Variants in MDM2 observed in about 807,000 individuals in gnomAD.
MDM2 encodes the protein E3 ubiquitin-protein ligase Mdm2.
MDM2 carries 11 observed loss-of-function variants against 64.3 expected under a neutral mutation model. The observed-to-expected ratio is 0.17, with a 90% CI of 0.11 to 0.28. MDM2 has a LOEUF of 0.28. Among genes scored for constraint, MDM2 ranks in the 10% least tolerant of loss-of-function variants. MDM2 has a pLI of 1.00. For synonymous variants in MDM2, 194 were observed against 192.9 expected (o/e 1.01, Z -0.05); for missense variants, 388 against 577.1 (o/e 0.67, Z 3.36).
intron 1 of MDM2, among the ~76,000 whole-genome samples, chr12:68,808,797 G>C (rs1319073183): frequency 6.6e-6 from 1 of 152,162 alleles, no homozygotes; most frequent in African/African-American, 2.4e-5. Context: ...CTGCGGGGCC[G>C]CTTCGGCGCG....
intron 3 of MDM2, among the ~76,000 whole-genome samples, chr12:68,815,074 T>G (rs1323629525): frequency 6.6e-6 from 1 of 152,212 alleles, no homozygotes; most frequent in Non-Finnish European, 1.5e-5. Flanking sequence ...GAATATTCCT[T>G]TAAGGCCGAT....
At chr12:68,815,826 G>C (rs1435483394) in intron 3 of MDM2, 1 of 168,338 alleles carries the variant, frequency 5.9e-6, no homozygotes, top group Non-Finnish European at 1.3e-5. Flanking sequence ...ATTGTAAACT[G>C]TAAAATGCCA....
intron 3 of MDM2, 130 bp from the exon 4 acceptor site, chr12:68,816,682 G>A (rs1214988466): frequency 1.2e-6 from 1 of 801,408 alleles, no homozygotes; most frequent in Non-Finnish European, 1.8e-6. Flanking sequence ...GTACAAAATG[G>A]TTGTTCTACA....
At position 68,836,669 on chromosome 12, in the gene MDM2, T is replaced by A; in HGVS notation, c.841-3T>A. ...ATTGATGCTAATGAATGTGTTTTAT[T>A]AGGTATATCAAGTTACTGTGTATCA... On this transcript the variant is annotated splice_polypyrimidine_tract_variant and splice_region_variant and intron_variant, in intron 9 of 10. Transcript: ENST00000258149. The A allele has an allele frequency of 6.2e-7, 1 of 1,601,058 alleles. No individual in the cohort carries two copies. Among genetic ancestry groups the A allele is most frequent in the African/African-American group, 1.3e-5 (1 of 74,746 alleles).
At chr12:68,815,616 AT>A (rs1228320900) in intron 3 of MDM2, 7 of 410,228 alleles carry the variant, frequency 1.7e-5, no homozygotes, top group Non-Finnish European at 2.9e-5. Context: ...TAATTTTTGT[AT>A]TTTTTTGTAG....
rs185459065 is a variant in MDM2, at chr12:68,812,139, T to C, written c.100-1415T>C. 5.9e-3 allele frequency among the ~76,000 whole-genome samples: 901 copies of C among 152,180 alleles called. 7 individuals are homozygous for C. Among genetic ancestry groups the C allele is most frequent in the Middle Eastern group, 0.037 (11 of 294 alleles). ...CAGGAGAAAAAAGGTTATTTTTAAA[T>C]CTTTTTTGAGAGAGTCCATTCTTTA... On this transcript the variant is annotated intron_variant, in intron 2 of 10. Transcript: ENST00000258149.
intron 5 of MDM2, among the ~76,000 whole-genome samples, chr12:68,822,656 C>G (rs566655723): frequency 2.6e-5 from 4 of 151,894 alleles, no homozygotes; most frequent in Non-Finnish European, 5.9e-5. Context: ...GAGATGGAAA[C>G]TTACAAATTA....
chr12:68,828,230 C>T (rs2440720), intron 7 of MDM2: 2,772 of 152,202 alleles, frequency 0.018, 36 homozygotes, highest in African/African-American at 0.028. Context: ...CAGATGAGCT[C>T]TTATATTTTA....
At chr12:68,826,988 A>G (rs1446370753) in intron 7 of MDM2, among the ~76,000 whole-genome samples, 1 of 152,134 alleles carries the variant, frequency 6.6e-6, no homozygotes, top group Non-Finnish European at 1.5e-5. Flanking sequence ...CATCCTGGCT[A>G]ACACGGTGAA....
intron 2 of MDM2, 109 bp from the exon 3 acceptor site, chr12:68,813,445 A>C: frequency 2.9e-6 from 2 of 687,056 alleles, no homozygotes; most frequent in Non-Finnish European, 2.6e-6. Flanking sequence ...GATCCTCCCC[A>C]GCATTTTTTC....
At chr12:68,837,414 C>T (rs899472833) in intron 10 of MDM2, among the ~76,000 whole-genome samples, 1 of 151,426 alleles carries the variant, frequency 6.6e-6, no homozygotes, top group South Asian at 2.1e-4. Context: ...GGCTGGAGTG[C>T]AGTGATGTGA....
At position 68,839,126 on chromosome 12, in the gene MDM2, T is replaced by C. The variant is rs3730654; in HGVS notation, c.919-148T>C. ...AACTAACTATAGTCCTCATGCTGTT[T>C]ACAGTGACTATTTTATATAAAACAT... On this transcript the variant is annotated intron_variant, in intron 10 of 10. Transcript: ENST00000258149. 19,649 of 682,438 alleles carry C rather than the reference T, an allele frequency of 0.029. 2,896 individuals are homozygous for C. The African/African-American group carries it at 0.32, about 11-fold the overall frequency. The allele number at this position is 682,438 out of a possible 1,614,324, so 42.3% of individuals were successfully genotyped here. A position where few individuals can be genotyped will look rare whatever the true frequency, so the allele number is the denominator to read the frequency against.
At chr12:68,816,362 C>CT (rs62874563) in intron 3 of MDM2, among the ~76,000 whole-genome samples, 1,744 of 61,106 alleles carry the variant, frequency 0.029, 366 homozygotes, top group Non-Finnish European at 0.035. Flanking sequence ...TTAAAAGTAG[C>CT]TTTTTTTTTT....
rs547696481 is a variant in MDM2, at chr12:68,836,744, T to G, written c.913T>G (p.Leu305Val). ...ATTTGAAGAAGATCCTGAAATTTCC[T>G]TAGCTGTAAGTATACATCTACTTTT... ...DSFEEDPEIS[L>V]ADYWKCTSCN... The change falls in exon 10 of 11, where the codon TTA (leucine) becomes GTA (valine). Residue 305 changes from leucine (L) to valine (V), a missense_variant. Leu to Val is a conservative substitution (Grantham distance 32). This residue lies in a region of MDM2 where 168 missense variants were observed against 236.6 expected (regional missense o/e 0.71). Transcript: ENST00000258149. 1 of 1,607,106 alleles carries G rather than the reference T, an allele frequency of 6.2e-7. No individual in the cohort carries two copies. The highest frequency in any genetic ancestry group is 2.2e-5 in the East Asian group (1 of 44,700).
intron 9 of MDM2, 125 bp downstream of exon 9, chr12:68,836,109 A>G: frequency 1.2e-6 from 1 of 816,086 alleles, no homozygotes; most frequent in Non-Finnish European, 1.8e-6. Context: ...TGATTTGTTT[A>G]AACTAACACA....
chr12:68,846,627 CT>C (rs1187516971), downstream of MDM2: 19 of 152,114 alleles, frequency 1.2e-4, no homozygotes, highest in Admixed American at 1.2e-3. Flanking sequence ...TGTTGCTTCC[CT>C]GATTTAAATA....
rs960112557 is a variant in MDM2 at position 68,808,205 on chromosome 12, T to C, written c.-273T>C. The C allele has an allele frequency of 3.7e-5, 19 of 513,332 alleles. No homozygotes were observed. Among genetic ancestry groups the C allele is most frequent in the Non-Finnish European group, 6.2e-5 (18 of 292,108 alleles). 31.8% of individuals were successfully genotyped at this position (513,332 alleles called of 1,614,324 possible). A position where few individuals can be genotyped will look rare whatever the true frequency, so the allele number is the denominator to read the frequency against. On this transcript the variant is annotated 5_prime_UTR_variant, in exon 1 of 11. Coordinates refer to ENST00000258149, the MANE Select transcript of MDM2 (RefSeq NM_002392.6). ...CGCGCACCGAGGCACCGCGGCGAGCTTGGCTGCTTCTGGGGCCTGTGTGGC... is the reference window on the plus strand; with the variant it reads ...CGCGCACCGAGGCACCGCGGCGAGCCTGGCTGCTTCTGGGGCCTGTGTGGC...
At chr12:68,831,713 G>A (rs1438245503) in intron 8 of MDM2, among the ~76,000 whole-genome samples, 2 of 152,082 alleles carry the variant, frequency 1.3e-5, no homozygotes, top group African/African-American at 4.8e-5. Flanking sequence ...GTGGAGTAGA[G>A]GGGTATTTCT....
chr12:68,828,529 GTGCC>G (rs1882523742), intron 7 of MDM2: 1 of 359,256 alleles, frequency 2.8e-6, no homozygotes, highest in South Asian at 3.0e-5. Flanking sequence ...AGCCGAGATT[GTGCC>G]TCTGTACTCC....
Sources: gnomAD v4.1 joint callset for allele counts (sites outside exome capture counted in the v4.1 genomes callset) on GRCh38, gnomAD v4.1.1 for gene constraint, gnomAD v4.1.1 regional missense constraint, MANE v1.5 for transcripts, NCBI Gene and HGNC (gene_info 2026-07-23, HGNC 2026-07-21) for gene names.